RALGAPA1: variants seen among roughly 807,000 people sequenced by gnomAD.
RALGAPA1 encodes the protein Ral GTPase activating protein catalytic subunit alpha 1, also known as ral GTPase-activating protein subunit alpha-1.
In RALGAPA1, 52 loss-of-function variants were observed where a neutral mutation model predicts 269.6. The ratio of observed to expected loss-of-function variants is 0.19; its 90% CI spans 0.15 to 0.24. The LOEUF is 0.24. RALGAPA1 is among the 10% of genes least tolerant of loss of function. RALGAPA1 has a pLI of 1.00. For missense variants in RALGAPA1, 1,917 were observed against 3,013.9 expected (o/e 0.64, Z 8.52); for synonymous variants, 817 against 1,008.3 (o/e 0.81, Z 3.60).
chr14:35,567,228 A>G (rs1465695991), intron 39 of RALGAPA1, among the ~76,000 whole-genome samples: 7 of 152,060 alleles, frequency 4.6e-5, no homozygotes, highest in Admixed American at 2.6e-4. Context: ...TCTTAGCAAG[A>G]TTGGCTATTA....
At chr14:35,628,657 C>T (rs1008303944) in intron 33 of RALGAPA1, among the ~76,000 whole-genome samples, 2 of 151,938 alleles carry the variant, frequency 1.3e-5, no homozygotes, top group Non-Finnish European at 2.9e-5. Context: ...AAGTAAACTC[C>T]GGGAATCAGA....
chr14:35,672,468 T>A (rs973171135), intron 25 of RALGAPA1, among the ~76,000 whole-genome samples: 2 of 152,036 alleles, frequency 1.3e-5, no homozygotes, highest in African/African-American at 4.8e-5. Flanking sequence ...GATTCTTAGA[T>A]TGAAAAAAAC....
At chr14:35,749,671 G>T (rs779123671) in intron 9 of RALGAPA1, among the ~76,000 whole-genome samples, 1 of 152,056 alleles carries the variant, frequency 6.6e-6, no homozygotes, top group South Asian at 2.1e-4. Context: ...GCACTTAATA[G>T]TTCTTAATAC....
intron 1 of RALGAPA1, among the ~76,000 whole-genome samples, chr14:35,790,960 A>C (rs1041933099): frequency 3.3e-5 from 5 of 152,190 alleles, no homozygotes; most frequent in Admixed American, 6.6e-5. Flanking sequence ...AAAGTCCTTA[A>C]AATGGTAGCA....
chr14:35,606,744 C>A (rs1380016727), intron 35 of RALGAPA1, among the ~76,000 whole-genome samples: 9 of 142,594 alleles, frequency 6.3e-5, no homozygotes, highest in Non-Finnish European at 1.2e-4. Flanking sequence ...CACTACTATA[C>A]CATGTAGGAA....
At position 35,572,491 on chromosome 14, in the gene RALGAPA1, T is replaced by C. The variant is rs907867785; in HGVS notation, c.7368+69A>G. The C allele has an allele frequency of 1.0e-4, 128 of 1,244,518 alleles. 1 individual carries two copies. The highest frequency in any genetic ancestry group is 2.9e-4 in the Middle Eastern group (1 of 3,414). 77.1% of individuals were successfully genotyped at this position (1,244,518 alleles called of 1,614,324 possible). A position where few individuals can be genotyped will look rare whatever the true frequency, so the allele number is the denominator to read the frequency against. On this transcript the variant is annotated intron_variant, in intron 38 of 41. Coordinates refer to ENST00000680220, the MANE Select transcript of RALGAPA1 (RefSeq NM_001346249.2). Reference sequence around the variant, plus strand: ...CTACTCCAAATTTTATTCTGTAACATGGAAAGAAACCCATGAACCCCTATA... The same window carrying C: ...CTACTCCAAATTTTATTCTGTAACACGGAAAGAAACCCATGAACCCCTATA...
chr14:35,740,074 T>C (rs759830242), intron 11 of RALGAPA1, among the ~76,000 whole-genome samples: 3 of 152,168 alleles, frequency 2.0e-5, no homozygotes, highest in Non-Finnish European at 2.9e-5. Context: ...GTGTGTTACC[T>C]TTCCCATTTG....
chr14:35,664,950 T>C (rs2063816777), intron 26 of RALGAPA1, among the ~76,000 whole-genome samples, 183 bp from the exon 27 acceptor site: 1 of 152,202 alleles, frequency 6.6e-6, no homozygotes, highest in Non-Finnish European at 1.5e-5. Flanking sequence ...ACTACTGTTA[T>C]TGTTAATAAA....
At chr14:35,608,080 C>T (rs568722086) in intron 35 of RALGAPA1, among the ~76,000 whole-genome samples, 9 of 152,302 alleles carry the variant, frequency 5.9e-5, no homozygotes, top group African/African-American at 1.9e-4. Flanking sequence ...CCAGTCATTC[C>T]TTGCAGTCTG....
intron 31 of RALGAPA1, among the ~76,000 whole-genome samples, chr14:35,645,126 C>A (rs2062310919): frequency 6.6e-6 from 1 of 152,062 alleles, no homozygotes; most frequent in Non-Finnish European, 1.5e-5. Context: ...CTCTTTCTGG[C>A]TTGTTAGATG....
At chr14:35,668,808 AAAAAC>A (rs763496692) in intron 26 of RALGAPA1, among the ~76,000 whole-genome samples, 2 of 152,198 alleles carry the variant, frequency 1.3e-5, no homozygotes, top group East Asian at 1.9e-4. Context: ...CTGATATCTC[AAAAAC>A]AAAACAAAAC....
At chr14:35,714,053 C>A (rs1375715698) in intron 16 of RALGAPA1, among the ~76,000 whole-genome samples, 1 of 151,272 alleles carries the variant, frequency 6.6e-6, no homozygotes, top group Non-Finnish European at 1.5e-5. Context: ...TGAGATCATG[C>A]CACTGCACTC....
Position 35,661,262 on chromosome 14 carries a change from T to C in RALGAPA1, c.5329-2066A>G, listed in dbSNP as rs1240542419. Reference sequence around the variant, plus strand: ...TAAATATGTGAAATTTTTGTCAATTTTACCTCAATAAAGCTAAGGGAGAAT... The same window carrying C: ...TAAATATGTGAAATTTTTGTCAATTCTACCTCAATAAAGCTAAGGGAGAAT... On this transcript the variant is annotated intron_variant, in intron 27 of 41. Transcript: ENST00000680220. Among the ~76,000 whole-genome samples the C allele has an allele frequency of 2.0e-5, 3 of 152,290 alleles. No homozygotes were observed. In the East Asian group the frequency reaches 5.8e-4, roughly 29 times the overall value.
chr14:35,595,434 C>T (rs545689607), intron 37 of RALGAPA1, among the ~76,000 whole-genome samples, 200 bp downstream of exon 37: 3 of 152,004 alleles, frequency 2.0e-5, no homozygotes, highest in African/African-American at 4.8e-5. Flanking sequence ...AAAAAGACTG[C>T]AACCTTTAAC....
At chr14:35,782,608 A>G (rs1307465423) in intron 1 of RALGAPA1, among the ~76,000 whole-genome samples, 1 of 151,694 alleles carries the variant, frequency 6.6e-6, no homozygotes, top group Non-Finnish European at 1.5e-5. Flanking sequence ...TAATTTTTGT[A>G]TTTTTAGTAG....
intron 16 of RALGAPA1, among the ~76,000 whole-genome samples, chr14:35,702,954 T>C (rs2140669158): frequency 6.6e-6 from 1 of 152,028 alleles, no homozygotes; most frequent in East Asian, 1.9e-4. Flanking sequence ...TAGCCAGAAT[T>C]TTTAAATATA....
intron 1 of RALGAPA1, among the ~76,000 whole-genome samples, chr14:35,776,805 T>G (rs925016332): frequency 6.6e-6 from 1 of 152,164 alleles, no homozygotes; most frequent in Non-Finnish European, 1.5e-5. Context: ...ACGTGAGGTA[T>G]GCATGTATAC....
At chr14:35,652,766 TAC>T (rs2062926504) in intron 30 of RALGAPA1, among the ~76,000 whole-genome samples, 1 of 152,042 alleles carries the variant, frequency 6.6e-6, no homozygotes, top group African/African-American at 2.4e-5. Context: ...AAATATAAAG[TAC>T]AGAATACAAA....
At chr14:35,574,311 A>AG (rs2057406019) in intron 37 of RALGAPA1, among the ~76,000 whole-genome samples, 1 of 152,208 alleles carries the variant, frequency 6.6e-6, no homozygotes, top group South Asian at 2.1e-4. Flanking sequence ...TAAAGAAACG[A>AG]GAAAAAAGGG....
Sources: allele counts gnomAD v4.1 joint callset (sites outside exome capture counted in the v4.1 genomes callset), GRCh38; gene constraint gnomAD v4.1.1; transcripts MANE v1.5; gene names NCBI Gene and HGNC (gene_info 2026-07-23, HGNC 2026-07-21).